Variants in UNK observed in about 807,000 individuals in gnomAD.
The protein encoded by UNK is unk zinc finger.
A neutral mutation model predicts 97.6 loss-of-function variants in UNK; 32 were observed. That is an observed-to-expected ratio of 0.33 (90% confidence interval 0.25 to 0.44). UNK has a LOEUF of 0.44. Among genes scored for constraint, UNK ranks in the 20% least tolerant of loss-of-function variants. The pLI, the probability that UNK is intolerant of heterozygous loss-of-function variation, is 1.00. For missense variants in UNK, 771 were observed against 1,098.4 expected (o/e 0.70, Z 4.21); for synonymous variants, 441 against 461.2 (o/e 0.96, Z 0.56).
At chr17:75,821,620 G>T (rs200352558) in intron 13 of UNK, 1 of 456,702 alleles carries the variant, frequency 2.2e-6, no homozygotes, top group East Asian at 6.9e-5. Context: ...AGAGCAAAGC[G>T]TCTTAAATCT....
At chr17:75,795,265 G>A (rs1000384189) in intron 1 of UNK, among the ~76,000 whole-genome samples, 1 of 152,082 alleles carries the variant, frequency 6.6e-6, no homozygotes, top group Non-Finnish European at 1.5e-5. Flanking sequence ...TAAAACTGGA[G>A]GTTTTCCAGG....
Position 75,823,135 on chromosome 17 carries a change from C to A in UNK, c.2020-130C>A, listed in dbSNP as rs961609694. ...GCAGACAGCATCAGCCTCCTCCTTG[C>A]CCTCCTCCCAGAGAGCCAACCCAGC... On this transcript the variant is annotated intron_variant, in intron 14 of 15. Coordinates refer to ENST00000589666, the MANE Select transcript of UNK (RefSeq NM_001080419.3). 5 of 1,414,056 alleles carry A rather than the reference C, an allele frequency of 3.5e-6. No homozygotes were observed. The East Asian group carries it at 9.7e-5, about 27-fold the overall frequency. 87.6% of individuals were successfully genotyped at this position (1,414,056 alleles called of 1,614,324 possible).
In UNK at chr17:75,822,521, G is replaced by A; in HGVS notation, c.1882G>A (p.Gly628Arg). 6.2e-7 allele frequency: 1 copy of A among 1,613,648 alleles called. No homozygotes were observed. The highest frequency in any genetic ancestry group is 1.6e-4 in the Middle Eastern group (1 of 6,062). The change falls in exon 14 of 16, where the codon GGA (glycine) becomes AGA (arginine). Residue 628 changes from glycine to arginine, a missense_variant. By Grantham distance (125) the Gly-to-Arg change is moderately radical (BLOSUM62 -2). Coordinates refer to ENST00000589666, the MANE Select transcript of UNK (RefSeq NM_001080419.3). ...NSSIWEHFAS[G>R]SFSPGTSPAF... ...CAGCATCTGGGAGCATTTTGCCTCT[G>A]GAAGCTTCTCCCCGGGCACTTCCCC...
chr17:75,794,607 C>T (rs1411330583), intron 1 of UNK, among the ~76,000 whole-genome samples: 2 of 149,936 alleles, frequency 1.3e-5, no homozygotes, highest in Non-Finnish European at 3.0e-5. Context: ...CATTGCACTC[C>T]AACCTGGGCA....
intron 5 of UNK, 85 bp from the exon 6 acceptor site, chr17:75,813,676 T>G (rs2061990734): frequency 8.5e-7 from 1 of 1,181,814 alleles, no homozygotes; most frequent in Non-Finnish European, 1.2e-6. Flanking sequence ...TGCTCATGCC[T>G]ATGAGGCTGG....
At chr17:75,795,420 A>G (rs2061797051) in intron 1 of UNK, among the ~76,000 whole-genome samples, 1 of 151,542 alleles carries the variant, frequency 6.6e-6, no homozygotes, top group South Asian at 2.1e-4. Context: ...GCTCACTGCA[A>G]CCTCCGCCTC....
chr17:75,822,733 G>GGCGT, intron 14 of UNK, 75 bp downstream of exon 14: 2 of 1,429,966 alleles, frequency 1.4e-6, no homozygotes. Flanking sequence ...TCACAGAGTG[G>GGCGT]GCGTGGGGTG....
intron 1 of UNK, among the ~76,000 whole-genome samples, chr17:75,800,072 G>A (rs535669243): frequency 6.6e-6 from 1 of 152,280 alleles, no homozygotes; most frequent in Admixed American, 6.5e-5. Context: ...GGTAAGAATT[G>A]TTTTCACTTT....
In UNK at chr17:75,817,061, G is replaced by A. The variant is rs962097138; in HGVS notation, c.1104+149G>A. On this transcript the variant is annotated intron_variant, in intron 8 of 15. Coordinates refer to ENST00000589666, the MANE Select transcript of UNK (RefSeq NM_001080419.3). The surrounding 1 kb of genome is among the most constrained non-coding windows in gnomAD (Gnocchi z 5.8). ...TGTCTTTTCCATCTCAGCATTCTTC[G>A]TCAAAAGTCCAGGCCCGGGGGTGGG... is the stretch of plus-strand genomic sequence containing the variant. 72 of 1,337,254 alleles carry A rather than the reference G, an allele frequency of 5.4e-5. No individual in the cohort carries two copies. The highest frequency in any genetic ancestry group is 1.1e-4 in the South Asian group (7 of 66,472). The allele number at this position is 1,337,254 out of a possible 1,614,324, so 82.8% of individuals were successfully genotyped here.
intron 1 of UNK, among the ~76,000 whole-genome samples, chr17:75,800,680 T>C (rs1312980167): frequency 6.6e-6 from 1 of 151,108 alleles, no homozygotes; most frequent in Admixed American, 6.6e-5. Context: ...GAGCTTGCAG[T>C]GAGCTGAGAT....
rs1198904613 is a variant in UNK at position 75,812,464 on chromosome 17, G to C, written c.501G>C (p.Gln167His). Residue 167 changes from glutamine (Q) to histidine (H), a missense_variant, in exon 4 of 16, where the codon CAG becomes CAC. Transcript: ENST00000589666. Reference protein sequence around the residue: ...RSPVYDIRELQAMEALQNGQT... With the variant: ...RSPVYDIRELHAMEALQNGQT... ...TTTCCTCTCCTCCCAGGGAGCTTCA[G>C]GCCATGGAGGCCTTGCAGAATGGCC... The C allele has an allele frequency of 6.2e-7, 1 of 1,611,358 alleles. No homozygotes were observed. Among genetic ancestry groups the C allele is most frequent in the African/African-American group, 1.3e-5 (1 of 74,876 alleles).
chr17:75,805,507 A>G (rs2061904229), intron 1 of UNK, among the ~76,000 whole-genome samples: 2 of 152,010 alleles, frequency 1.3e-5, no homozygotes, highest in Non-Finnish European at 1.5e-5. Flanking sequence ...TAAAAATCTC[A>G]TTACAGGCCA....
At chr17:75,790,210 T>C (rs1199560546) in intron 1 of UNK, among the ~76,000 whole-genome samples, 2 of 151,694 alleles carry the variant, frequency 1.3e-5, no homozygotes, top group African/African-American at 4.8e-5. Context: ...GGCAGGAGAA[T>C]TGCTTGAACC....
At position 75,817,179 on chromosome 17, in the gene UNK, G is replaced by A. The variant is rs551261667; in HGVS notation, c.1105-147G>A. ...CACTCCCCTTTCCTTCGTGAGCTTC[G>A]GGCTCCCCGAGTGGTCACTGCTGCT... On this transcript the variant is annotated intron_variant, in intron 8 of 15. Transcript: ENST00000589666. This position sits in a 1 kb window ranked among gnomAD's most constrained non-coding sequence, Gnocchi z 5.8. 9 of 1,063,664 alleles carry A rather than the reference G, an allele frequency of 8.5e-6. No homozygotes were observed. The highest frequency in any genetic ancestry group is 2.6e-5 in the East Asian group (1 of 38,754). 65.9% of individuals were successfully genotyped at this position (1,063,664 alleles called of 1,614,324 possible).
intron 1 of UNK, among the ~76,000 whole-genome samples, chr17:75,800,534 T>TA (rs1464136594): frequency 6.6e-6 from 1 of 151,084 alleles, no homozygotes; most frequent in Non-Finnish European, 1.5e-5. Context: ...GTCAGGAGAT[T>TA]GAGACCATCC....
At position 75,797,895 on chromosome 17, in the gene UNK, C is replaced by T. The variant is rs1461101724; in HGVS notation, c.105-11865C>T. On this transcript the variant is annotated intron_variant, in intron 1 of 15. Transcript: ENST00000589666. ...GTCCTGAGCAAATCTGGTGTTGCAG[C>T]GCCATCTCTTTCTGTTGGCTTGTCT... Among the ~76,000 whole-genome samples the T allele has an allele frequency of 4.6e-5, 7 of 152,130 alleles. No individual in the cohort carries two copies. The East Asian group carries it at 7.7e-4, about 17-fold the overall frequency.
chr17:75,787,607 C>T (rs2061724721), intron 1 of UNK, among the ~76,000 whole-genome samples: 1 of 151,274 alleles, frequency 6.6e-6, no homozygotes, highest in Admixed American at 6.6e-5. Flanking sequence ...GGGTGGATCA[C>T]TTGAGGTCAG....
chr17:75,815,102 A>T, intron 6 of UNK, 67 bp from the exon 7 acceptor site: 2 of 1,459,714 alleles, frequency 1.4e-6, no homozygotes, highest in Non-Finnish European at 1.9e-6. Flanking sequence ...CTCATGCTGG[A>T]GGAAGGGGAG....
At chr17:75,805,810 ATGTGTGTGTG>A (rs61000364) in intron 1 of UNK, among the ~76,000 whole-genome samples, 63 of 145,388 alleles carry the variant, frequency 4.3e-4, no homozygotes, top group South Asian at 1.5e-3. Context: ...AAAAAGAAAA[ATGTGTGTGTG>A]TGTGTGTGTG....
Sources: allele counts gnomAD v4.1 joint callset (sites outside exome capture counted in the v4.1 genomes callset), GRCh38; gene constraint gnomAD v4.1.1; non-coding constraint Gnocchi (gnomAD v3.1); transcripts MANE v1.5; gene names NCBI Gene and HGNC (gene_info 2026-07-23, HGNC 2026-07-21).